The following UHRF2 variants were observed in gnomAD, a reference collection of about 807,000 sequenced individuals.
UHRF2 encodes ubiquitin like with PHD and ring finger domains 2.
A neutral mutation model predicts 96.8 loss-of-function variants in UHRF2; 23 were observed. That is an observed-to-expected ratio of 0.24 (90% CI 0.17 to 0.34). The LOEUF (loss-of-function observed/expected upper bound fraction) is 0.34, where lower values mean the gene tolerates loss of function less well. Ranked by LOEUF, UHRF2 falls within the 10% of genes least tolerant of loss-of-function variation. The pLI, the probability that UHRF2 is intolerant of heterozygous loss-of-function variation, is 1.00. For missense variants in UHRF2, 685 were observed against 981.5 expected, an observed-to-expected ratio of 0.70 and a Z score of 4.04; for synonymous variants, 385 against 332.6, an observed-to-expected ratio of 1.16 and a Z score of -1.72.
rs1416778447 is a variant in UHRF2 at position 6,483,533 on chromosome 9, G to T, written c.1392+1434G>T. 2.6e-5 allele frequency among the ~76,000 whole-genome samples: 4 copies of T among 152,014 alleles called. 1 individual carries two copies. The highest frequency in any genetic ancestry group is 2.6e-4 in the Admixed American group (4 of 15,268). ...GGACAGATTCAGTACAGACACAGCC[G>T]TCTGTTTATTTTTCCCAAATATTTT... On this transcript the variant is annotated intron_variant, in intron 8 of 15. Transcript: ENST00000276893.
chr9:6,478,873 A>G (rs1338051857), intron 6 of UHRF2, among the ~76,000 whole-genome samples: 1 of 152,048 alleles, frequency 6.6e-6, no homozygotes, highest in African/African-American at 2.4e-5. Context: ...ATATGATCAC[A>G]CTCTGAATTT....
intron 3 of UHRF2, among the ~76,000 whole-genome samples, chr9:6,439,786 G>C (rs1563756928): frequency 6.6e-6 from 1 of 152,130 alleles, no homozygotes; most frequent in Non-Finnish European, 1.5e-5. Flanking sequence ...ACTTGGCTGT[G>C]AGAACTACCT....
chr9:6,462,308 G>T (rs1822592574), intron 4 of UHRF2, among the ~76,000 whole-genome samples: 2 of 150,938 alleles, frequency 1.3e-5, no homozygotes, highest in African/African-American at 2.4e-5. Context: ...GGAAAAGTTT[G>T]CTGACTCCTG....
At chr9:6,451,180 TG>T (rs1360433193) in intron 3 of UHRF2, among the ~76,000 whole-genome samples, 1 of 151,744 alleles carries the variant, frequency 6.6e-6, no homozygotes, top group Admixed American at 6.6e-5. Context: ...AAAAGTTACG[TG>T]TTTTTTTTGT....
intron 10 of UHRF2, chr9:6,494,304 A>T (rs1039120367): frequency 1.3e-4 from 23 of 182,800 alleles, no homozygotes; most frequent in African/African-American, 5.2e-4. Context: ...AATTTGAAAT[A>T]AAGTTATGTT....
At position 6,413,460 on chromosome 9, in the gene UHRF2, A is replaced by G; in HGVS notation, c.-31A>G. On this transcript the variant is annotated 5_prime_UTR_variant, in exon 1 of 16. Transcript: ENST00000276893. Reference sequence around the variant, plus strand: ...CGGCGCCCAGAGCTCAGGGGGAGACAAAGGGGACCGGTTCCTCTCTAGGCG... The same window carrying G: ...CGGCGCCCAGAGCTCAGGGGGAGACGAAGGGGACCGGTTCCTCTCTAGGCG... 1 of 1,487,210 alleles carries G rather than the reference A, an allele frequency of 6.7e-7. No individual in the cohort carries two copies. Among genetic ancestry groups the G allele is most frequent in the Non-Finnish European group, 9.0e-7 (1 of 1,107,410 alleles). The allele number at this position is 1,487,210 out of a possible 1,614,324, so 92.1% of individuals were successfully genotyped here. A position where few individuals can be genotyped will look rare whatever the true frequency, so the allele number is the denominator to read the frequency against.
intron 3 of UHRF2, chr9:6,449,371 A>T (rs1206349845): frequency 6.6e-6 from 1 of 152,240 alleles, no homozygotes; most frequent in East Asian, 1.9e-4. Flanking sequence ...GTCAGAGTTG[A>T]ACAGCACTCA....
intron 6 of UHRF2, among the ~76,000 whole-genome samples, chr9:6,480,538 A>C (rs16924624): frequency 0.27 from 41,660 of 152,022 alleles, 7,708 homozygotes; most frequent in African/African-American, 0.52. Context: ...GCTTCACCTG[A>C]AACTCCTTAA....
chr9:6,429,370 A>G (rs547822750), intron 2 of UHRF2, among the ~76,000 whole-genome samples: 2 of 152,336 alleles, frequency 1.3e-5, no homozygotes, highest in South Asian at 4.1e-4. Context: ...GCTAATGTTT[A>G]CCAGCAGTAT....
rs867986640 is a variant in UHRF2 at position 6,419,901 on chromosome 9, G to A, written c.154-1011G>A. On this transcript the variant is annotated intron_variant, in intron 1 of 15. Coordinates refer to ENST00000276893, the MANE Select transcript of UHRF2 (RefSeq NM_152896.3). Reference sequence around the variant, plus strand: ...ACCACAGGCATGTACAATCACACCCGGCTACGTTTTTTTATTTATTTATTT... The same window carrying A: ...ACCACAGGCATGTACAATCACACCCAGCTACGTTTTTTTATTTATTTATTT... 2.0e-5 allele frequency among the ~76,000 whole-genome samples: 3 copies of A among 151,788 alleles called. No homozygotes were observed. In the South Asian group the frequency reaches 6.2e-4, roughly 32 times the overall value.
At chr9:6,479,082 A>G (rs1823765739) in intron 6 of UHRF2, among the ~76,000 whole-genome samples, 1 of 152,018 alleles carries the variant, frequency 6.6e-6, no homozygotes, top group Non-Finnish European at 1.5e-5. Flanking sequence ...GCATTCTAGA[A>G]TCTCTTGAAT....
In UHRF2 at chr9:6,460,690, A is replaced by G; in HGVS notation, c.762A>G (p.Val254=). 1.2e-6 allele frequency: 2 copies of G among 1,613,988 alleles called. No individual in the cohort carries two copies. The highest frequency in any genetic ancestry group is 1.7e-6 in the Non-Finnish European group (2 of 1,179,982). The change falls in exon 4 of 16, where the codon GTA becomes GTG. Residue 254 remains valine (V), a synonymous_variant. Coordinates refer to ENST00000276893, the MANE Select transcript of UHRF2 (RefSeq NM_152896.3). ...VGDVVMVNYN[V]ESPGQRGFWF... ...ATGTGGTAATGGTTAATTATAATGTAGAAAGTCCTGGACAAAGAGGATTCT... is the reference window on the plus strand; with the variant it reads ...ATGTGGTAATGGTTAATTATAATGTGGAAAGTCCTGGACAAAGAGGATTCT...
chr9:6,488,248 CCTT>C (rs1824428468), intron 9 of UHRF2, among the ~76,000 whole-genome samples: 1 of 85,714 alleles, frequency 1.2e-5, no homozygotes, highest in African/African-American at 4.5e-5. Flanking sequence ...GACCCTGTCT[CCTT>C]AAAAAAAAAA....
chr9:6,423,536 T>A (rs1389829488), intron 2 of UHRF2, among the ~76,000 whole-genome samples: 2 of 152,134 alleles, frequency 1.3e-5, no homozygotes, highest in African/African-American at 4.8e-5. Flanking sequence ...TTCATTATTA[T>A]AAAATGTTTC....
chr9:6,435,406 G>A (rs1032070304), intron 3 of UHRF2, among the ~76,000 whole-genome samples: 3 of 152,122 alleles, frequency 2.0e-5, no homozygotes, highest in African/African-American at 7.2e-5. Flanking sequence ...GATTAAAGGC[G>A]TGAGCCACTG....
At chr9:6,480,342 T>C (rs1823846474) in intron 6 of UHRF2, among the ~76,000 whole-genome samples, 1 of 152,254 alleles carries the variant, frequency 6.6e-6, no homozygotes, top group East Asian at 1.9e-4. Context: ...CCTTCACTAC[T>C]ATGTACAAAC....
chr9:6,476,827 T>C (rs568854811), intron 5 of UHRF2, among the ~76,000 whole-genome samples: 5 of 152,234 alleles, frequency 3.3e-5, no homozygotes, highest in Middle Eastern at 3.4e-3. Context: ...ACTCCTGAGC[T>C]CGTGATCCGC....
chr9:6,497,431 C>A, intron 11 of UHRF2, 71 bp downstream of exon 11: 1 of 1,553,974 alleles, frequency 6.4e-7, no homozygotes, highest in Non-Finnish European at 8.8e-7. Flanking sequence ...TTGCAAGGAA[C>A]TACTGTGGGT....
chr9:6,421,864 C>G (rs957827737), intron 2 of UHRF2, among the ~76,000 whole-genome samples: 1 of 152,096 alleles, frequency 6.6e-6, no homozygotes, highest in Non-Finnish European at 1.5e-5. Context: ...TATGTTTTGT[C>G]TGTATTTGAA....
Sources: gnomAD v4.1 joint callset for allele counts (sites outside exome capture counted in the v4.1 genomes callset) on GRCh38, gnomAD v4.1.1 for gene constraint, MANE v1.5 for transcripts, NCBI Gene and HGNC (gene_info 2026-07-23, HGNC 2026-07-21) for gene names.